Variants in FER observed in about 807,000 individuals in gnomAD.
FER encodes tyrosine-protein kinase Fer.
A neutral mutation model predicts 111.0 loss-of-function variants in FER; 63 were observed. That is an observed-to-expected ratio of 0.57 (90% CI 0.46 to 0.70). The LOEUF is 0.70. FER is among the 30% of genes least tolerant of loss of function. The pLI is 0.00. For synonymous variants in FER, 327 were observed against 313.9 expected (o/e 1.04, Z -0.44); for missense variants, 914 against 954.0 (o/e 0.96, Z 0.55).
intron 17 of FER, among the ~76,000 whole-genome samples, chr5:109,109,778 G>A (rs775012016): frequency 6.6e-6 from 1 of 152,096 alleles, no homozygotes; most frequent in Non-Finnish European, 1.5e-5. Context: ...GCAAATGCAC[G>A]ATATTTCAAT....
At chr5:108,832,503 C>A (rs925905214) in intron 3 of FER, among the ~76,000 whole-genome samples, 1 of 152,112 alleles carries the variant, frequency 6.6e-6, no homozygotes, top group Non-Finnish European at 1.5e-5. Context: ...ATGAAGACTG[C>A]AAGTGTGGAC....
intron 13 of FER, among the ~76,000 whole-genome samples, chr5:109,029,748 T>G (rs1397342391): frequency 6.6e-6 from 1 of 152,216 alleles, no homozygotes; most frequent in East Asian, 1.9e-4. Context: ...CTGGCTGCTT[T>G]CAAGACTCCT....
chr5:108,918,661 G>T (rs1234931774), intron 10 of FER, among the ~76,000 whole-genome samples: 1 of 151,836 alleles, frequency 6.6e-6, no homozygotes, highest in Non-Finnish European at 1.5e-5. Context: ...TAATTTTTTT[G>T]TATTTTTACT....
At chr5:109,077,553 A>G (rs967665570) in intron 16 of FER, among the ~76,000 whole-genome samples, 1 of 152,192 alleles carries the variant, frequency 6.6e-6, no homozygotes, top group East Asian at 1.9e-4. Context: ...ATTTTAAAGC[A>G]TAGTATCAAT....
chr5:108,966,124 C>A (rs1037247970), intron 13 of FER, among the ~76,000 whole-genome samples: 3 of 152,098 alleles, frequency 2.0e-5, no homozygotes, highest in African/African-American at 7.2e-5. Flanking sequence ...CATCCATAAG[C>A]CTACCTCAGA....
At chr5:108,819,849 C>T (rs1193429002) in intron 3 of FER, 2 of 984,764 alleles carry the variant, frequency 2.0e-6, no homozygotes, top group Non-Finnish European at 2.4e-6. Flanking sequence ...AATTTTTTTC[C>T]CCCAGAAGTC....
Position 109,047,209 on chromosome 5 carries a change from C to G in FER, c.1924+11C>G. The G allele has an allele frequency of 2.6e-6, 4 of 1,521,048 alleles. No individual in the cohort carries two copies. Among genetic ancestry groups the G allele is most frequent in the Non-Finnish European group, 3.6e-6 (4 of 1,107,752 alleles). 94.2% of individuals were successfully genotyped at this position (1,521,048 alleles called of 1,614,324 possible). ...TGGAACTGGTTTCAGGTAATGTGAT[C>G]TGAGAATTTTTGCATGATGACATTT... On this transcript the variant is annotated intron_variant, in intron 16 of 19. Coordinates refer to ENST00000281092, the MANE Select transcript of FER (RefSeq NM_005246.4).
At chr5:109,012,569 C>A (rs1315813562) in intron 13 of FER, among the ~76,000 whole-genome samples, 1 of 152,146 alleles carries the variant, frequency 6.6e-6, no homozygotes, top group Non-Finnish European at 1.5e-5. Flanking sequence ...TAATATGATT[C>A]CATAAAGCCT....
intron 17 of FER, among the ~76,000 whole-genome samples, chr5:109,162,437 A>G (rs1756090912): frequency 6.6e-6 from 1 of 152,126 alleles, no homozygotes; most frequent in East Asian, 1.9e-4. Flanking sequence ...ATGAAAAGCT[A>G]AGTGCCATCT....
In FER at chr5:109,191,041, A is replaced by G. The variant is rs1759340594; in HGVS notation, c.*3466A>G. ...ATAACTTTTGTGAAGATTGGCTAGT[A>G]CCACAAAATAACTATGGCTTCACAA... On this transcript the variant is annotated 3_prime_UTR_variant, in exon 20 of 20. Coordinates refer to ENST00000281092, the MANE Select transcript of FER (RefSeq NM_005246.4). 1 of 152,196 alleles carries G rather than the reference A, an allele frequency of 6.6e-6. No homozygotes were observed. 9.4% of individuals were successfully genotyped at this position (152,196 alleles called of 1,614,324 possible).
chr5:109,031,997 G>A (rs1406587433), intron 13 of FER, among the ~76,000 whole-genome samples: 2 of 152,096 alleles, frequency 1.3e-5, no homozygotes, highest in African/African-American at 4.8e-5. Flanking sequence ...GCAATGTATG[G>A]AGCATAACTA....
intron 13 of FER, among the ~76,000 whole-genome samples, chr5:109,002,771 A>G (rs1764965749): frequency 6.6e-6 from 1 of 152,178 alleles, no homozygotes; most frequent in Non-Finnish European, 1.5e-5. Flanking sequence ...CAAATTTACA[A>G]GAAAAAAACA....
At chr5:109,070,852 A>T (rs1485217061) in intron 16 of FER, among the ~76,000 whole-genome samples, 2 of 152,002 alleles carry the variant, frequency 1.3e-5, no homozygotes. Context: ...TAATTAATGC[A>T]GTCATTTTGT....
chr5:108,898,956 C>T (rs1317859190), intron 10 of FER, among the ~76,000 whole-genome samples: 1 of 151,970 alleles, frequency 6.6e-6, no homozygotes, highest in Non-Finnish European at 1.5e-5. Flanking sequence ...GTCTGAGCTA[C>T]ATCCTTGGCA....
At position 109,187,497 on chromosome 5, in the gene FER, G is replaced by GGC; in HGVS notation, c.2392_2393insCG (p.Asp798AlafsTer73). 1 of 1,614,076 alleles carries GGC rather than the reference G, an allele frequency of 6.2e-7. No individual in the cohort carries two copies. Among genetic ancestry groups the GGC allele is most frequent in the Non-Finnish European group, 8.5e-7 (1 of 1,179,988 alleles). On this transcript the variant is annotated frameshift_variant, in exon 20 of 20. Coordinates refer to ENST00000281092, the MANE Select transcript of FER (RefSeq NM_005246.4). LOFTEE classifies it high-confidence loss of function. ...TTTCCAAAATCATGATGAAGTGTTG[G>GGC]GATTATAAACCTGAAAATCGCCCTA...
chr5:108,812,127 T>G (rs1580677022), intron 3 of FER, among the ~76,000 whole-genome samples: 1 of 152,342 alleles, frequency 6.6e-6, no homozygotes, highest in East Asian at 1.9e-4. Context: ...TGCTGAAATC[T>G]CCCACTATAA....
intron 16 of FER, 46 bp from the exon 17 acceptor site, chr5:109,100,350 C>T: frequency 6.3e-7 from 1 of 1,599,304 alleles, no homozygotes; most frequent in Non-Finnish European, 8.5e-7. Flanking sequence ...ATAAATGTGA[C>T]TTTCATCATA....
At chr5:109,031,424 ATTGT>A (rs1170200373) in intron 13 of FER, among the ~76,000 whole-genome samples, 3 of 152,098 alleles carry the variant, frequency 2.0e-5, no homozygotes, top group African/African-American at 4.8e-5. Context: ...TAGTATTTTA[ATTGT>A]TTGTTTGGAT....
At chr5:108,832,061 C>T (rs1561483117) in intron 3 of FER, among the ~76,000 whole-genome samples, 1 of 152,044 alleles carries the variant, frequency 6.6e-6, no homozygotes, top group Non-Finnish European at 1.5e-5. Context: ...TGATCCCAAA[C>T]CTACAATTAT....
Sources: gnomAD v4.1 joint callset for allele counts (sites outside exome capture counted in the v4.1 genomes callset) on GRCh38, gnomAD v4.1.1 for gene constraint, MANE v1.5 for transcripts, NCBI Gene and HGNC (gene_info 2026-07-23, HGNC 2026-07-21) for gene names.